TIGAR: variants seen among roughly 807,000 people sequenced by gnomAD.
TIGAR encodes fructose-2,6-bisphosphatase TIGAR.
TIGAR carries 7 observed loss-of-function variants against 17.9 expected under a neutral mutation model. That is an observed-to-expected ratio of 0.39 (90% CI 0.22 to 0.73). The LOEUF is 0.73. TIGAR is among the 30% of genes least tolerant of loss of function. The pLI, the probability that TIGAR is intolerant of heterozygous loss-of-function variation, is 0.42. For synonymous variants in TIGAR, 94 were observed against 108.6 expected, an observed-to-expected ratio of 0.87 and a Z score of 0.84; for missense variants, 258 against 327.4, an observed-to-expected ratio of 0.79 and a Z score of 1.64.
At chr12:4,335,526 A>G (rs1450531109) in intron 2 of TIGAR, 2 of 152,250 alleles carry the variant, frequency 1.3e-5, no homozygotes, top group African/African-American at 4.8e-5. Context: ...GAGACACCAG[A>G]GAGCTCTTTC....
chr12:4,329,353 T>TTC (rs1864580005), intron 1 of TIGAR, among the ~76,000 whole-genome samples: 3 of 130,542 alleles, frequency 2.3e-5, no homozygotes, highest in Non-Finnish European at 4.8e-5. Flanking sequence ...TTTTTTTTTT[T>TTC]TGTGAGACAG....
intron 3 of TIGAR, among the ~76,000 whole-genome samples, chr12:4,343,803 C>T (rs1756253252): frequency 6.6e-6 from 1 of 152,210 alleles, no homozygotes. Context: ...GGCACCCTAA[C>T]ATCACAATTG....
chr12:4,335,660 T>C (rs1864650172), intron 2 of TIGAR: 1 of 152,254 alleles, frequency 6.6e-6, no homozygotes, highest in Non-Finnish European at 1.5e-5. Context: ...CTGTGAGAAA[T>C]AAATATCTGT....
chr12:4,332,675 TGTTC>T (rs1480732595), intron 2 of TIGAR, among the ~76,000 whole-genome samples: 6 of 152,246 alleles, frequency 3.9e-5, no homozygotes, highest in South Asian at 2.1e-4. Context: ...AATGCTTTTG[TGTTC>T]TGTCAGTATG....
At chr12:4,337,487 G>T (rs1402361934) in intron 3 of TIGAR, among the ~76,000 whole-genome samples, 1 of 152,170 alleles carries the variant, frequency 6.6e-6, no homozygotes, top group East Asian at 1.9e-4. Flanking sequence ...CAAGGTCTAG[G>T]CTGATGTGCC....
intron 1 of TIGAR, among the ~76,000 whole-genome samples, chr12:4,328,348 C>T (rs745962714): frequency 1.3e-5 from 2 of 151,238 alleles, no homozygotes; most frequent in African/African-American, 4.9e-5. Flanking sequence ...CCTGCCACCA[C>T]GCCTGGCTAA....
At position 4,358,677 on chromosome 12, in the gene TIGAR, T is replaced by G. The variant is rs1378132072; in HGVS notation, c.*5986T>G. Among the ~76,000 whole-genome samples the G allele has an allele frequency of 6.6e-6, 1 of 152,050 alleles. No homozygotes were observed. Among genetic ancestry groups the G allele is most frequent in the Non-Finnish European group, 1.5e-5 (1 of 68,006 alleles). On this transcript the variant is annotated 3_prime_UTR_variant, in exon 6 of 6. Coordinates refer to ENST00000179259, the MANE Select transcript of TIGAR (RefSeq NM_020375.3). The stretch of plus-strand genomic sequence containing the variant: ...ATTGATATTGCCTATTAGCTAATCC[T>G]TAGACCAAATTTAAATTCTGTCAAT...
chr12:4,333,551 C>T (rs1212281060), intron 2 of TIGAR, among the ~76,000 whole-genome samples: 5 of 152,180 alleles, frequency 3.3e-5, no homozygotes, highest in Non-Finnish European at 7.4e-5. Context: ...CTCCTGCAAC[C>T]TCCACCTCCC....
Position 4,352,474 on chromosome 12 carries a change from G to A in TIGAR, c.596G>A (p.Gly199Asp). The change falls in exon 6 of 6, where the codon GGT becomes GAT. Residue 199 changes from glycine to aspartate, a missense_variant. Gly to Asp is a moderately conservative substitution (Grantham distance 94). Transcript: ENST00000179259. ...LAASVLVVSH[G>D]AYMRSLFDYF... ...GCCAGTGTCTTAGTTGTGAGTCACG[G>A]TGCTTACATGAGAAGTCTGTTTGAT... 6.2e-7 allele frequency: 1 copy of A among 1,614,106 alleles called. No individual in the cohort carries two copies. Among genetic ancestry groups the A allele is most frequent in the South Asian group, 1.1e-5 (1 of 91,078 alleles).
At chr12:4,335,072 T>C (rs1369211797) in intron 2 of TIGAR, among the ~76,000 whole-genome samples, 1 of 152,098 alleles carries the variant, frequency 6.6e-6, no homozygotes, top group Non-Finnish European at 1.5e-5. Flanking sequence ...AGTTTCACTC[T>C]TGTTGCCCAG....
In TIGAR at chr12:4,344,832, G is replaced by A. The variant is rs537457868; in HGVS notation, c.193-4987G>A. 8.5e-5 allele frequency among the ~76,000 whole-genome samples: 13 copies of A among 152,294 alleles called. No homozygotes were observed. In the East Asian group the frequency reaches 2.5e-3, roughly 29 times the overall value. ...GAAAAGAGGAAGCCAAATTGTCCCT[G>A]TTTGCAGATGACATGATTGTATATC... On this transcript the variant is annotated intron_variant, in intron 3 of 5. Coordinates refer to ENST00000179259, the MANE Select transcript of TIGAR (RefSeq NM_020375.3).
rs1864890237 is a variant in TIGAR, at chr12:4,355,493, T to G, written c.*2802T>G. Among the ~76,000 whole-genome samples the G allele has an allele frequency of 6.6e-6, 1 of 152,256 alleles. No homozygotes were observed. The highest frequency in any genetic ancestry group is 1.5e-5 in the Non-Finnish European group (1 of 68,042). ...GTCTTAACTATTTATGCACTTTTATTCTTCCATATAAATTTTGGAATCAAT... is the reference window on the plus strand; with the variant it reads ...GTCTTAACTATTTATGCACTTTTATGCTTCCATATAAATTTTGGAATCAAT... On this transcript the variant is annotated 3_prime_UTR_variant, in exon 6 of 6. Coordinates refer to ENST00000179259, the MANE Select transcript of TIGAR (RefSeq NM_020375.3).
rs1331404903 is a variant in TIGAR, at chr12:4,354,261, A to T, written c.*1570A>T. 6.6e-6 allele frequency: 1 copy of T among 152,236 alleles called. No homozygotes were observed. The highest frequency in any genetic ancestry group is 1.5e-5 in the Non-Finnish European group (1 of 68,048). 9.4% of individuals were successfully genotyped at this position (152,236 alleles called of 1,614,324 possible). A position where few individuals can be genotyped will look rare whatever the true frequency, so the allele number is the denominator to read the frequency against. On this transcript the variant is annotated 3_prime_UTR_variant, in exon 6 of 6. Coordinates refer to ENST00000179259, the MANE Select transcript of TIGAR (RefSeq NM_020375.3). Reference sequence around the variant, plus strand: ...ATTGAAACAGGGCACGTGTTTGAGCATCAGAGGAAGTATACTGTAAATAAA... The same window carrying T: ...ATTGAAACAGGGCACGTGTTTGAGCTTCAGAGGAAGTATACTGTAAATAAA...
At chr12:4,323,567 G>C (rs1864504952) in intron 1 of TIGAR, among the ~76,000 whole-genome samples, 1 of 152,188 alleles carries the variant, frequency 6.6e-6, no homozygotes, top group Non-Finnish European at 1.5e-5. Context: ...CTGAGACAGA[G>C]ACGCCTTGTA....
intron 1 of TIGAR, among the ~76,000 whole-genome samples, chr12:4,330,471 A>G (rs1254108454): frequency 6.6e-6 from 1 of 152,238 alleles, no homozygotes; most frequent in Non-Finnish European, 1.5e-5. Context: ...TTGGGTCAGC[A>G]AACATTTAAT....
At chr12:4,349,677 A>G in intron 3 of TIGAR, 142 bp from the exon 4 acceptor site, 1 of 618,934 alleles carries the variant, frequency 1.6e-6, no homozygotes, top group South Asian at 2.1e-5. Flanking sequence ...TCAGCCTCCC[A>G]AAGTGCTGGG....
chr12:4,327,792 C>T (rs1219420928), intron 1 of TIGAR, among the ~76,000 whole-genome samples: 4 of 152,064 alleles, frequency 2.6e-5, no homozygotes, highest in African/African-American at 7.2e-5. Context: ...CTCAGCCTCC[C>T]GAGTCGCTGG....
rs1374570190 is a variant in TIGAR, at chr12:4,356,839, C to T, written c.*4148C>T. On this transcript the variant is annotated 3_prime_UTR_variant, in exon 6 of 6. Transcript: ENST00000179259. ...CCAGTTCCAGGCTTCACCCCAGGCT[C>T]GCAGCTTCAAGCAGAGCCTGTCGCT... 2.6e-5 allele frequency among the ~76,000 whole-genome samples: 4 copies of T among 152,158 alleles called. No homozygotes were observed. The highest frequency in any genetic ancestry group is 7.2e-5 in the African/African-American group (3 of 41,430).
intron 3 of TIGAR, among the ~76,000 whole-genome samples, chr12:4,341,522 G>A (rs1864721718): frequency 6.6e-6 from 1 of 152,138 alleles, no homozygotes; most frequent in Non-Finnish European, 1.5e-5. Flanking sequence ...ACACGGCCGG[G>A]TACCCCTCTG....
Sources: allele counts gnomAD v4.1 joint callset (sites outside exome capture counted in the v4.1 genomes callset), GRCh38; gene constraint gnomAD v4.1.1; transcripts MANE v1.5; gene names NCBI Gene and HGNC (gene_info 2026-07-23, HGNC 2026-07-21).